The following NRXN1 variants were observed in gnomAD, a reference collection of about 807,000 sequenced individuals.
The protein encoded by NRXN1 is neurexin-1.
NRXN1 carries 39 observed loss-of-function variants against 150.9 expected under a neutral mutation model. The ratio of observed to expected loss-of-function variants is 0.26; its 90% CI spans 0.20 to 0.34. The LOEUF (loss-of-function observed/expected upper bound fraction) is 0.34, where lower values mean the gene tolerates loss of function less well. Among genes scored for constraint, NRXN1 ranks in the 10% least tolerant of loss-of-function variants. The probability of loss-of-function intolerance (pLI) is 1.00; values close to 1 mark genes in which losing one functional copy is unlikely to be tolerated. For synonymous variants in NRXN1, 924 were observed against 757.0 expected (o/e 1.22, Z -3.62); for missense variants, 1,815 against 1,949.9 (o/e 0.93, Z 1.30).
chr2:50,618,008 T>G (rs553430404), intron 8 of NRXN1, among the ~76,000 whole-genome samples: 2 of 152,324 alleles, frequency 1.3e-5, no homozygotes, highest in East Asian at 3.9e-4. Context: ...TATTATTATT[T>G]GGATGCCCAA....
At chr2:50,417,365 G>A (rs933372416) in intron 17 of NRXN1, 1 of 152,140 alleles carries the variant, frequency 6.6e-6, no homozygotes, top group Non-Finnish European at 1.5e-5. Flanking sequence ...AGGGGCAGCA[G>A]AGTAACTTTT....
At chr2:50,083,691 C>G (rs946656038) in intron 19 of NRXN1, among the ~76,000 whole-genome samples, 4 of 152,210 alleles carry the variant, frequency 2.6e-5, no homozygotes, top group Admixed American at 2.6e-4. Context: ...TACAGAGAGC[C>G]GATTGGTCTG....
At chr2:50,899,977 G>A (rs769708926) in intron 5 of NRXN1, among the ~76,000 whole-genome samples, 7 of 152,122 alleles carry the variant, frequency 4.6e-5, no homozygotes, top group Non-Finnish European at 1.0e-4. Context: ...TTTAAAATAT[G>A]TAATAACTGA....
chr2:50,949,441 T>TA (rs903327678), intron 2 of NRXN1, among the ~76,000 whole-genome samples: 1 of 151,992 alleles, frequency 6.6e-6, no homozygotes, highest in Non-Finnish European at 1.5e-5. Flanking sequence ...ACATACTCTT[T>TA]AAAAATATTA....
intron 8 of NRXN1, among the ~76,000 whole-genome samples, chr2:50,561,914 G>A (rs1380344055): frequency 6.6e-6 from 1 of 152,158 alleles, no homozygotes; most frequent in Non-Finnish European, 1.5e-5. Context: ...TGATCTTGCC[G>A]AAAGTTATCT....
intron 5 of NRXN1, among the ~76,000 whole-genome samples, chr2:50,764,653 G>T (rs576660922): frequency 6.6e-6 from 1 of 152,064 alleles, no homozygotes; most frequent in South Asian, 2.1e-4. Context: ...TTAGTAAGTG[G>T]CCTTGAACCC....
intron 21 of NRXN1, among the ~76,000 whole-genome samples, chr2:49,993,565 A>C (rs902393629): frequency 8.5e-5 from 13 of 152,154 alleles, no homozygotes; most frequent in African/African-American, 3.1e-4. Flanking sequence ...ATGATGTGTC[A>C]ATGCAGGCTC....
intron 18 of NRXN1, among the ~76,000 whole-genome samples, chr2:50,224,202 G>T (rs1343988538): frequency 4.0e-5 from 6 of 151,732 alleles, no homozygotes; most frequent in African/African-American, 1.5e-4. Flanking sequence ...AAATAAGCTG[G>T]GCCAGCCTGA....
intron 21 of NRXN1, among the ~76,000 whole-genome samples, chr2:49,981,545 C>A (rs1343907912): frequency 6.6e-6 from 1 of 151,974 alleles, no homozygotes; most frequent in African/African-American, 2.4e-5. Flanking sequence ...CTCTTCCCCC[C>A]CACTTTTCCC....
intron 22 of NRXN1, among the ~76,000 whole-genome samples, chr2:49,939,809 G>A (rs1028290649): frequency 6.6e-6 from 1 of 152,128 alleles, no homozygotes; most frequent in African/African-American, 2.4e-5. Flanking sequence ...TAGAACTGAA[G>A]GTATAAACTT....
intron 17 of NRXN1, among the ~76,000 whole-genome samples, chr2:50,361,577 C>T (rs1302581830): frequency 6.6e-6 from 1 of 152,078 alleles, no homozygotes; most frequent in African/African-American, 2.4e-5. Context: ...AAGTCGAATC[C>T]TTGAAGAGAC....
At chr2:50,148,168 AT>A (rs1008443321) in intron 18 of NRXN1, among the ~76,000 whole-genome samples, 14 of 151,098 alleles carry the variant, frequency 9.3e-5, no homozygotes, top group African/African-American at 2.2e-4. Flanking sequence ...TGTGAAACTA[AT>A]TTTTTTTTAA....
chr2:50,452,283 T>C (rs752719156), intron 17 of NRXN1, among the ~76,000 whole-genome samples: 3 of 152,216 alleles, frequency 2.0e-5, no homozygotes, highest in Non-Finnish European at 4.4e-5. Context: ...TCGTGTACTG[T>C]GGCTGAGCTG....
chr2:50,067,017 C>T (rs1371640527), intron 19 of NRXN1, among the ~76,000 whole-genome samples: 4 of 152,166 alleles, frequency 2.6e-5, no homozygotes, highest in East Asian at 1.9e-4. Flanking sequence ...AGAAAGAGCA[C>T]GCACAGCTCA....
intron 5 of NRXN1, among the ~76,000 whole-genome samples, chr2:50,893,477 A>G (rs1681407255): frequency 6.6e-6 from 1 of 152,208 alleles, no homozygotes; most frequent in Non-Finnish European, 1.5e-5. Flanking sequence ...TTAATATAGG[A>G]TTTGGTTTGG....
chr2:50,318,702 A>G (rs2075801422), intron 17 of NRXN1, among the ~76,000 whole-genome samples: 1 of 152,198 alleles, frequency 6.6e-6, no homozygotes, highest in Non-Finnish European at 1.5e-5. Flanking sequence ...TATAAAATTC[A>G]AAAACAGGCA....
intron 5 of NRXN1, among the ~76,000 whole-genome samples, chr2:50,830,835 A>C (rs1009115281): frequency 3.3e-5 from 5 of 152,028 alleles, no homozygotes; most frequent in African/African-American, 1.2e-4. Flanking sequence ...TCCATGGCCT[A>C]GACTTTTCAC....
intron 5 of NRXN1, among the ~76,000 whole-genome samples, chr2:50,873,024 A>G (rs1390305335): frequency 6.6e-6 from 1 of 151,670 alleles, no homozygotes; most frequent in African/African-American, 2.4e-5. Context: ...ATAATTTCCC[A>G]CTCCCCCATA....
At chr2:50,439,387 A>T (rs1360273447) in intron 17 of NRXN1, among the ~76,000 whole-genome samples, 1 of 152,246 alleles carries the variant, frequency 6.6e-6, no homozygotes. Flanking sequence ...ACAGTCAACA[A>T]AACTGAATAT....
Sources: gnomAD v4.1 joint callset for allele counts (sites outside exome capture counted in the v4.1 genomes callset) on GRCh38, gnomAD v4.1.1 for gene constraint, MANE v1.5 for transcripts, NCBI Gene and HGNC (gene_info 2026-07-23, HGNC 2026-07-21) for gene names.